PIK3R6: variants seen among roughly 807,000 people sequenced by gnomAD.
PIK3R6 encodes phosphoinositide-3-kinase regulatory subunit 6, also known as phosphoinositide 3-kinase regulatory subunit 6.
Under a neutral mutation model 84.9 loss-of-function variants are expected in PIK3R6, and 91 were observed. That is an observed-to-expected ratio of 1.07 (90% CI 0.90 to 1.28). The LOEUF is 1.28. PIK3R6 is among the 50% of genes most tolerant of loss of function. The pLI is 0.00. For synonymous variants in PIK3R6, 416 were observed against 411.4 expected, an observed-to-expected ratio of 1.01 and a Z score of -0.13; for missense variants, 996 against 985.1, an observed-to-expected ratio of 1.01 and a Z score of -0.15.
intron 18 of PIK3R6, among the ~76,000 whole-genome samples, chr17:8,808,625 T>G (rs74322887): frequency 1.3e-5 from 2 of 152,336 alleles, no homozygotes; most frequent in East Asian, 1.9e-4. Flanking sequence ...ATCCAGATCA[T>G]GCTAACTTAG....
Position 8,839,320 on chromosome 17 carries a change from C to T in PIK3R6, c.97+294G>A, listed in dbSNP as rs868846313. On this transcript the variant is annotated intron_variant, in intron 3 of 19. Coordinates refer to ENST00000619866, the MANE Select transcript of PIK3R6 (RefSeq NM_001010855.4). The surrounding 1 kb of genome is among the most constrained non-coding windows in gnomAD (Gnocchi z 4.2). ...CCGAGTTTGCACCACTGCACTGCAG[C>T]CTGGGTGACAGAGTAGGACTCCATC... 9.2e-5 allele frequency among the ~76,000 whole-genome samples: 14 copies of T among 151,778 alleles called. No homozygotes were observed. Among genetic ancestry groups the T allele is most frequent in the Admixed American group, 7.9e-4 (12 of 15,226 alleles).
At position 8,821,951 on chromosome 17, in the gene PIK3R6, C is replaced by T. The variant is rs762919937; in HGVS notation, c.1789-15G>A. 1.1e-5 allele frequency: 17 copies of T among 1,558,274 alleles called. No homozygotes were observed. The highest frequency in any genetic ancestry group is 1.1e-4 in the African/African-American group (8 of 73,576). Reference sequence around the variant, plus strand: ...CTAAGCAAGGCCTGAGGAGGGGGATCGAGGAACAGGTGGAGGTGCTCAGGA... The same window carrying T: ...CTAAGCAAGGCCTGAGGAGGGGGATTGAGGAACAGGTGGAGGTGCTCAGGA... On this transcript the variant is annotated splice_polypyrimidine_tract_variant and intron_variant, in intron 16 of 19. Transcript: ENST00000619866.
Position 8,832,826 on chromosome 17 carries a change from T to C in PIK3R6, c.802+63A>G, listed in dbSNP as rs1169765266. The C allele has an allele frequency of 2.4e-5, 39 of 1,606,886 alleles. 1 individual carries two copies. The highest frequency in any genetic ancestry group is 1.4e-4 in the South Asian group (13 of 90,870). ...TCCAGCGCTGCTCTCTGGCGCCCCCTGCTGTGCAGTGAGCTGCCCCCGCGG... is the reference window on the plus strand; with the variant it reads ...TCCAGCGCTGCTCTCTGGCGCCCCCCGCTGTGCAGTGAGCTGCCCCCGCGG... On this transcript the variant is annotated intron_variant, in intron 9 of 19. Transcript: ENST00000619866.
At chr17:8,836,996 T>C (rs1172751616) in intron 5 of PIK3R6, 73 bp from the exon 6 acceptor site, 54 of 462,530 alleles carry the variant, frequency 1.2e-4, no homozygotes, top group Non-Finnish European at 1.8e-4. Context: ...AGGTGAAGGG[T>C]CCCGGGGGAG....
intron 6 of PIK3R6, 84 bp from the exon 7 acceptor site, chr17:8,836,700 T>C: frequency 1.2e-6 from 2 of 1,612,432 alleles, no homozygotes; most frequent in Non-Finnish European, 1.7e-6. Flanking sequence ...GTGGAGGCTT[T>C]TGAGCTCCCC....
intron 19 of PIK3R6, 26 bp downstream of exon 19, chr17:8,804,015 T>A: frequency 3.2e-6 from 5 of 1,587,076 alleles, no homozygotes; most frequent in Non-Finnish European, 4.3e-6. Flanking sequence ...GCCCTGGACA[T>A]CTAGGGTTGG....
At chr17:8,858,143 A>T (rs1159614302) in intron 1 of PIK3R6, among the ~76,000 whole-genome samples, 1 of 152,168 alleles carries the variant, frequency 6.6e-6, no homozygotes, top group East Asian at 1.9e-4. Context: ...AAGAGCCCCC[A>T]GGGGATGAGC....
In PIK3R6 at chr17:8,803,987, C is replaced by T. The variant is rs2087122151; in HGVS notation, c.2108+54G>A. 2.7e-6 allele frequency: 4 copies of T among 1,485,270 alleles called. No individual in the cohort carries two copies. The highest frequency in any genetic ancestry group is 1.7e-4 in the Middle Eastern group (1 of 5,804). 92.0% of individuals were successfully genotyped at this position (1,485,270 alleles called of 1,614,324 possible). On this transcript the variant is annotated intron_variant, in intron 19 of 19. Transcript: ENST00000619866. This position sits in a 1 kb window ranked among gnomAD's most constrained non-coding sequence, Gnocchi z 5.0. ...AGGAGATGGCAGGAGCTGGCTCCTG[C>T]TTCAGTTTGTCCCACGGGCCCTGGA... is the stretch of plus-strand genomic sequence containing the variant.
chr17:8,809,548 A>C (rs1458253361), intron 18 of PIK3R6, among the ~76,000 whole-genome samples: 2 of 152,150 alleles, frequency 1.3e-5, no homozygotes, highest in Non-Finnish European at 2.9e-5. Flanking sequence ...GGGATGCTTG[A>C]GTTCCAGGCA....
At chr17:8,830,978 C>T (rs1277841949) in intron 9 of PIK3R6, among the ~76,000 whole-genome samples, 3 of 151,632 alleles carry the variant, frequency 2.0e-5, no homozygotes, top group African/African-American at 7.3e-5. Context: ...CCCGTCTCTA[C>T]TAAAAAAACA....
At chr17:8,823,774 G>A (rs185204648) in intron 13 of PIK3R6, among the ~76,000 whole-genome samples, 1 of 152,322 alleles carries the variant, frequency 6.6e-6, no homozygotes, top group Admixed American at 6.5e-5. Flanking sequence ...AAGTGATTGA[G>A]GGAGACAAGA....
intron 16 of PIK3R6, among the ~76,000 whole-genome samples, chr17:8,822,235 A>G (rs1303679759): frequency 6.6e-6 from 1 of 152,082 alleles, no homozygotes; most frequent in East Asian, 1.9e-4. Context: ...TAGCAGATAA[A>G]GGCTTAAAGC....
At chr17:8,845,765 G>A (rs2088800899) in intron 2 of PIK3R6, among the ~76,000 whole-genome samples, 1 of 151,988 alleles carries the variant, frequency 6.6e-6, no homozygotes. Flanking sequence ...TGGCTAACAC[G>A]GCAAAATCCT....
chr17:8,843,572 C>T (rs1479852661), intron 2 of PIK3R6, among the ~76,000 whole-genome samples: 1 of 151,982 alleles, frequency 6.6e-6, no homozygotes, highest in Non-Finnish European at 1.5e-5. Context: ...GTAGCTAAAA[C>T]AAACTCTCAG....
Position 8,821,875 on chromosome 17 carries a change from A to C in PIK3R6, c.1850T>G (p.Leu617Arg), listed in dbSNP as rs765257097. ...TVSLRATGLI[L>R]KAIPASDTEV... ...TGTGTCGCTGGCTGGAATGGCCTTC[A>C]GGATCAGCCCAGTGGCCCGCAGGGA... The change falls in exon 17 of 20, where the codon CTG becomes CGG. Residue 617 changes from leucine to arginine, a missense_variant. Coordinates refer to ENST00000619866, the MANE Select transcript of PIK3R6 (RefSeq NM_001010855.4). The C allele has an allele frequency of 2.5e-6, 4 of 1,597,460 alleles. No individual in the cohort carries two copies. In the East Asian group the frequency reaches 9.0e-5, roughly 36 times the overall value.
At chr17:8,825,615 T>C (rs945258535) in intron 13 of PIK3R6, among the ~76,000 whole-genome samples, 1 of 152,242 alleles carries the variant, frequency 6.6e-6, no homozygotes, top group African/African-American at 2.4e-5. Context: ...AGATGGTTTA[T>C]GCAAAATAGC....
chr17:8,837,044 AG>A (rs2088496866), intron 5 of PIK3R6, 121 bp from the exon 6 acceptor site: 1 of 739,918 alleles, frequency 1.4e-6, no homozygotes, highest in Non-Finnish European at 2.3e-6. Flanking sequence ...GTGGAAGGTC[AG>A]GCCTAACAGC....
intron 1 of PIK3R6, among the ~76,000 whole-genome samples, chr17:8,855,991 G>A (rs181086001): frequency 4.5e-4 from 69 of 152,218 alleles, no homozygotes; most frequent in Non-Finnish European, 8.7e-4. Flanking sequence ...CAGAATCCTC[G>A]GCATTAAAAA....
intron 9 of PIK3R6, among the ~76,000 whole-genome samples, chr17:8,830,423 A>G (rs1245356814): frequency 1.3e-5 from 2 of 152,114 alleles, no homozygotes; most frequent in African/African-American, 4.8e-5. Flanking sequence ...CACACTGGGC[A>G]CACCTCACAT....
Sources: gnomAD v4.1 joint callset for allele counts (sites outside exome capture counted in the v4.1 genomes callset) on GRCh38, gnomAD v4.1.1 for gene constraint, Gnocchi (gnomAD v3.1) non-coding constraint, MANE v1.5 for transcripts, NCBI Gene and HGNC (gene_info 2026-07-23, HGNC 2026-07-21) for gene names.